ATG3: variants seen among roughly 807,000 people sequenced by gnomAD.
ATG3 encodes the protein ubiquitin-like-conjugating enzyme ATG3.
In ATG3, 25 loss-of-function variants were observed where a neutral mutation model predicts 50.7. That is an observed-to-expected ratio of 0.49 (90% CI 0.36 to 0.69). ATG3 has a LOEUF of 0.69. Ranked by LOEUF, ATG3 falls within the 30% of genes least tolerant of loss-of-function variation. ATG3 has a pLI of 0.00. For synonymous variants in ATG3, 119 were observed against 125.5 expected, an observed-to-expected ratio of 0.95 and a Z score of 0.34; for missense variants, 281 against 376.0, an observed-to-expected ratio of 0.75 and a Z score of 2.09.
At chr3:112,538,322 A>G (rs917216957) in intron 7 of ATG3, 142 bp from the exon 8 acceptor site, 4 of 628,958 alleles carry the variant, frequency 6.4e-6, no homozygotes, top group Middle Eastern at 3.3e-4. Context: ...ATAGATAGAT[A>G]TAAGTGAGCT....
At chr3:112,550,132 G>A in intron 4 of ATG3, 60 bp downstream of exon 4, 3 of 1,244,542 alleles carry the variant, frequency 2.4e-6, no homozygotes, top group Non-Finnish European at 3.4e-6. Context: ...GAAAAACCGA[G>A]AGCTTCATTT....
At chr3:112,538,987 C>T (rs1229700921) in intron 7 of ATG3, among the ~76,000 whole-genome samples, 3 of 152,200 alleles carry the variant, frequency 2.0e-5, no homozygotes, top group Admixed American at 2.0e-4. Flanking sequence ...ACCTTGGAGT[C>T]ACCCTTGACT....
At chr3:112,550,028 C>A (rs754748114) in intron 4 of ATG3, among the ~76,000 whole-genome samples, 164 bp downstream of exon 4, 7 of 152,060 alleles carry the variant, frequency 4.6e-5, no homozygotes, top group Non-Finnish European at 8.8e-5. Context: ...TTCCTTAGGG[C>A]CCTCTTCCTT....
At chr3:112,546,301 C>A (rs963086570) in intron 5 of ATG3, among the ~76,000 whole-genome samples, 1 of 152,162 alleles carries the variant, frequency 6.6e-6, no homozygotes, top group Non-Finnish European at 1.5e-5. Flanking sequence ...ACCCTACCTA[C>A]GCTGTACATG....
intron 10 of ATG3, chr3:112,535,233 A>G (rs1170570084): frequency 6.6e-6 from 1 of 152,190 alleles, no homozygotes; most frequent in African/African-American, 2.4e-5. Context: ...CAGTCAACTT[A>G]GAATATGAGA....
intron 5 of ATG3, among the ~76,000 whole-genome samples, chr3:112,546,154 CA>C (rs1414954822): frequency 1.3e-5 from 2 of 150,940 alleles, no homozygotes; most frequent in Non-Finnish European, 2.9e-5. Flanking sequence ...CACAAAAAAA[CA>C]AAAAACAACA....
intron 1 of ATG3, among the ~76,000 whole-genome samples, chr3:112,560,256 T>C (rs1933814969): frequency 6.6e-6 from 1 of 152,244 alleles, no homozygotes; most frequent in Non-Finnish European, 1.5e-5. Flanking sequence ...CATAATTATG[T>C]AAAAGCATTT....
chr3:112,533,259 C>T (rs2107364232), intron 11 of ATG3: 1 of 984,812 alleles, frequency 1.0e-6, no homozygotes, highest in East Asian at 1.1e-4. Context: ...ACTGGACTGT[C>T]TTTAATTAAA....
intron 10 of ATG3, 173 bp downstream of exon 10, chr3:112,536,302 T>C: frequency 1.4e-6 from 1 of 730,198 alleles, no homozygotes; most frequent in Admixed American, 3.1e-5. Context: ...TTTTTTTTCC[T>C]TTTTCTTATA....
chr3:112,535,155 C>CT (rs1244155802), intron 10 of ATG3: 1 of 152,020 alleles, frequency 6.6e-6, no homozygotes, highest in Admixed American at 6.5e-5. Flanking sequence ...AAGAAACAGT[C>CT]TTTTTAACAT....
At chr3:112,552,805 C>T (rs1933563713) in intron 3 of ATG3, among the ~76,000 whole-genome samples, 1 of 151,974 alleles carries the variant, frequency 6.6e-6, no homozygotes, top group African/African-American at 2.4e-5. Context: ...CGCCTGCCAC[C>T]ATGCCCAGCT....
intron 2 of ATG3, 115 bp from the exon 3 acceptor site, chr3:112,553,444 T>G: frequency 1.3e-6 from 1 of 791,632 alleles, no homozygotes; most frequent in African/African-American, 1.7e-5. Context: ...TGAAATCCAG[T>G]AAGCAATAAA....
chr3:112,557,575 G>A (rs975993376), intron 2 of ATG3, among the ~76,000 whole-genome samples: 3 of 151,974 alleles, frequency 2.0e-5, no homozygotes, highest in Admixed American at 6.5e-5. Flanking sequence ...CCAAGATCGC[G>A]CCACTGTGCT....
chr3:112,551,586 C>T (rs1205031703), intron 3 of ATG3, among the ~76,000 whole-genome samples: 3 of 152,128 alleles, frequency 2.0e-5, no homozygotes, highest in East Asian at 1.9e-4. Context: ...TCCATATATA[C>T]AAGCCCCTAC....
intron 3 of ATG3, among the ~76,000 whole-genome samples, chr3:112,552,511 G>A (rs1434491861): frequency 1.3e-5 from 2 of 151,602 alleles, no homozygotes; most frequent in Non-Finnish European, 2.9e-5. Context: ...TAAAGATGGA[G>A]CATACTTTTG....
rs990924481 is a variant in ATG3, at chr3:112,533,665, G to T, written c.863+604C>A. 5 of 985,104 alleles carry T rather than the reference G, an allele frequency of 5.1e-6. No individual in the cohort carries two copies. In the African/African-American group the frequency reaches 8.7e-5, roughly 17 times the overall value. 61.0% of individuals were successfully genotyped at this position (985,104 alleles called of 1,614,324 possible). A position where few individuals can be genotyped will look rare whatever the true frequency, so the allele number is the denominator to read the frequency against. ...TAAATCATTGATTTTGACTGTTTTT[G>T]ATAAATCTATGCTATGAGTACATGT... On this transcript the variant is annotated intron_variant, in intron 11 of 11. Coordinates refer to ENST00000283290, the MANE Select transcript of ATG3 (RefSeq NM_022488.5).
intron 1 of ATG3, 125 bp from the exon 2 acceptor site, chr3:112,558,542 T>A (rs1344687006): frequency 1.4e-6 from 1 of 711,652 alleles, no homozygotes; most frequent in Non-Finnish European, 2.5e-6. Flanking sequence ...AAAATTAGTC[T>A]ATCTATCTAA....
At chr3:112,554,908 ATTAT>A (rs1208082185) in intron 2 of ATG3, among the ~76,000 whole-genome samples, 2 of 152,306 alleles carry the variant, frequency 1.3e-5, no homozygotes. Flanking sequence ...GAATAACCTT[ATTAT>A]TTAAACAGCC....
At chr3:112,556,218 A>G (rs1165381404) in intron 2 of ATG3, among the ~76,000 whole-genome samples, 1 of 152,232 alleles carries the variant, frequency 6.6e-6, no homozygotes, top group Non-Finnish European at 1.5e-5. Flanking sequence ...GGAAACATGA[A>G]GCCTCGGCAG....
Sources: gnomAD v4.1 joint callset for allele counts (sites outside exome capture counted in the v4.1 genomes callset) on GRCh38, gnomAD v4.1.1 for gene constraint, MANE v1.5 for transcripts, NCBI Gene and HGNC (gene_info 2026-07-23, HGNC 2026-07-21) for gene names.